The following KHDRBS2 variants were observed in gnomAD, a reference collection of about 807,000 sequenced individuals.
The protein encoded by KHDRBS2 is KH domain-containing, RNA-binding, signal transduction-associated protein 2.
Under a neutral mutation model 44.3 loss-of-function variants are expected in KHDRBS2, and 26 were observed. The observed-to-expected ratio is 0.59, with a 90% CI of 0.43 to 0.81. KHDRBS2 has a LOEUF of 0.81. Ranked by LOEUF, KHDRBS2 falls within the 40% of genes least tolerant of loss-of-function variation. The probability of loss-of-function intolerance (pLI) is 0.00; values close to 1 mark genes in which losing one functional copy is unlikely to be tolerated. For synonymous variants in KHDRBS2, 194 were observed against 151.1 expected (o/e 1.28, Z -2.08); for missense variants, 476 against 433.1 (o/e 1.10, Z -0.88).
In KHDRBS2 at chr6:61,797,086, G is replaced by A. The variant is rs1266345488; in HGVS notation, c.811-64322C>T. Among the ~76,000 whole-genome samples the A allele has an allele frequency of 8.6e-5, 13 of 152,018 alleles. 1 individual carries two copies. The highest frequency in any genetic ancestry group is 3.1e-4 in the African/African-American group (13 of 41,398). ...CTGGTTTAATACAGCATTTTCAGAT[G>A]TATTCTTAAGAAAAAAATAAAAAAA... is the stretch of plus-strand genomic sequence containing the variant. On this transcript the variant is annotated intron_variant, in intron 6 of 8. Coordinates refer to ENST00000281156, the MANE Select transcript of KHDRBS2 (RefSeq NM_152688.4).
intron 4 of KHDRBS2, among the ~76,000 whole-genome samples, chr6:61,947,762 T>C (rs1231791848): frequency 1.3e-5 from 2 of 151,958 alleles, no homozygotes; most frequent in East Asian, 3.9e-4. Flanking sequence ...TTTATATGCA[T>C]GAATATACTG....
At chr6:62,250,220 GTAATTA>G (rs1243288367) in intron 1 of KHDRBS2, among the ~76,000 whole-genome samples, 1 of 152,016 alleles carries the variant, frequency 6.6e-6, no homozygotes, top group African/African-American at 2.4e-5. Context: ...ATGAAATACT[GTAATTA>G]TAAATTATTG....
chr6:61,765,588 GT>G (rs1209702372), intron 6 of KHDRBS2, among the ~76,000 whole-genome samples: 1 of 152,092 alleles, frequency 6.6e-6, no homozygotes, highest in Non-Finnish European at 1.5e-5. Flanking sequence ...AAGACTGTTA[GT>G]TTTTCCCTGT....
chr6:61,622,472 A>G, the KHDRBS2 span, among the ~76,000 whole-genome samples: 4 of 152,234 alleles, frequency 2.6e-5, no homozygotes, highest in African/African-American at 9.6e-5. Context: ...GAGAGTGCCG[A>G]TAAGATGGAT....
At chr6:61,707,846 A>G (rs1769843788) in intron 7 of KHDRBS2, among the ~76,000 whole-genome samples, 1 of 151,756 alleles carries the variant, frequency 6.6e-6, no homozygotes, top group South Asian at 2.1e-4. Context: ...TCATAATGGA[A>G]AACCATGGGA....
chr6:61,702,976 C>T (rs1768937611), intron 7 of KHDRBS2, among the ~76,000 whole-genome samples: 1 of 151,780 alleles, frequency 6.6e-6, no homozygotes, highest in Admixed American at 6.6e-5. Flanking sequence ...ATTATACCTG[C>T]TATAACCACC....
the KHDRBS2 span, among the ~76,000 whole-genome samples, chr6:61,581,097 CT>C: frequency 5.3e-5 from 8 of 152,134 alleles, no homozygotes; most frequent in African/African-American, 1.7e-4. Flanking sequence ...AGGAATTCCC[CT>C]TTTCTACTCA....
the KHDRBS2 span, among the ~76,000 whole-genome samples, chr6:61,611,031 T>A: frequency 6.6e-6 from 1 of 152,194 alleles, no homozygotes; most frequent in Admixed American, 6.5e-5. Context: ...CATATCTAGA[T>A]GGAAACTGCG....
At chr6:61,555,732 G>A in the KHDRBS2 span, among the ~76,000 whole-genome samples, 38 of 152,200 alleles carry the variant, frequency 2.5e-4, no homozygotes, top group South Asian at 2.3e-3. Context: ...TTTGATTGTC[G>A]CATAAGGTGG....
rs757511992 is a variant in KHDRBS2, at chr6:61,894,693, G to A, written c.752C>T (p.Pro251Leu). 10 of 1,612,816 alleles carry A rather than the reference G, an allele frequency of 6.2e-6. No homozygotes were observed. The highest frequency in any genetic ancestry group is 6.8e-6 in the Non-Finnish European group (8 of 1,179,582). ...AGGTGCCCTGTATCCTGGCACTGTTGGTGCCCCCCGGGCTCGAGGGGTAGG... is the reference window on the plus strand; with the variant it reads ...AGGTGCCCTGTATCCTGGCACTGTTAGTGCCCCCCGGGCTCGAGGGGTAGG... ...GVPTPRARGA[P>L]TVPGYRAPPP... The change falls in exon 6 of 9, where the codon CCA becomes CTA. Residue 251 changes from proline (P) to leucine (L), a missense_variant. Coordinates refer to ENST00000281156, the MANE Select transcript of KHDRBS2 (RefSeq NM_152688.4).
chr6:61,787,594 G>A (rs1784016130), intron 6 of KHDRBS2, among the ~76,000 whole-genome samples: 1 of 151,380 alleles, frequency 6.6e-6, no homozygotes, highest in Non-Finnish European at 1.5e-5. Flanking sequence ...TTTTTTGTTG[G>A]TTTTGTTTTG....
At chr6:62,145,260 GT>G (rs140865048) in intron 2 of KHDRBS2, among the ~76,000 whole-genome samples, 3 of 148,592 alleles carry the variant, frequency 2.0e-5, no homozygotes, top group Non-Finnish European at 3.0e-5. Context: ...TCTCTTTTTT[GT>G]TTTTTTTTGG....
At chr6:62,284,658 CAT>C (rs1842230203) in intron 1 of KHDRBS2, among the ~76,000 whole-genome samples, 1 of 152,046 alleles carries the variant, frequency 6.6e-6, no homozygotes, top group Non-Finnish European at 1.5e-5. Context: ...AGTTATTTCA[CAT>C]GTTCCATGTT....
At chr6:61,596,493 C>T in the KHDRBS2 span, among the ~76,000 whole-genome samples, 2 of 152,052 alleles carry the variant, frequency 1.3e-5, no homozygotes, top group South Asian at 2.1e-4. Flanking sequence ...AGACAGAAGC[C>T]GATCTTCTAG....
intron 2 of KHDRBS2, among the ~76,000 whole-genome samples, chr6:62,069,552 T>C (rs1562781643): frequency 6.6e-6 from 1 of 151,794 alleles, no homozygotes; most frequent in Admixed American, 6.6e-5. Context: ...ATTCAAGGTT[T>C]ATGATACTAC....
chr6:61,787,242 A>T (rs1215436092), intron 6 of KHDRBS2, among the ~76,000 whole-genome samples: 1 of 151,566 alleles, frequency 6.6e-6, no homozygotes, highest in South Asian at 2.1e-4. Flanking sequence ...TGTGCACATA[A>T]ATCTTTGACC....
chr6:61,750,033 AT>A (rs1275515908), intron 6 of KHDRBS2, among the ~76,000 whole-genome samples: 1 of 152,174 alleles, frequency 6.6e-6, no homozygotes, highest in African/African-American at 2.4e-5. Context: ...ATGAGGAGTT[AT>A]TTTTAAGAAT....
intron 4 of KHDRBS2, among the ~76,000 whole-genome samples, chr6:61,975,682 G>C (rs12215728): frequency 0.053 from 3,926 of 74,740 alleles, 68 homozygotes; most frequent in South Asian, 0.1. Flanking sequence ...CACACACACA[G>C]AGAGATATAA....
intron 4 of KHDRBS2, among the ~76,000 whole-genome samples, chr6:61,930,659 T>C (rs1210120480): frequency 1.4e-5 from 2 of 147,158 alleles, no homozygotes; most frequent in East Asian, 4.1e-4. Context: ...ATGGCGCCAC[T>C]GCACTCCAGC....
Sources: allele counts gnomAD v4.1 joint callset (sites outside exome capture counted in the v4.1 genomes callset), GRCh38; gene constraint gnomAD v4.1.1; transcripts MANE v1.5; gene names NCBI Gene and HGNC (gene_info 2026-07-23, HGNC 2026-07-21).